ABCA13: variants seen among roughly 807,000 people sequenced by gnomAD.
ABCA13 encodes ATP-binding cassette sub-family A member 13.
A neutral mutation model predicts 478.7 loss-of-function variants in ABCA13; 476 were observed. The ratio of observed to expected loss-of-function variants is 0.99; its 90% CI spans 0.92 to 1.07. The LOEUF (loss-of-function observed/expected upper bound fraction) is 1.07, where lower values mean the gene tolerates loss of function less well. ABCA13 is among the 50% of genes least tolerant of loss of function. The pLI, the probability that ABCA13 is intolerant of heterozygous loss-of-function variation, is 0.00. For missense variants in ABCA13, 6,060 were observed against 5,910.6 expected (o/e 1.03, Z -0.83); for synonymous variants, 2,252 against 2,158.9 (o/e 1.04, Z -1.20).
At chr7:48,402,579 G>A (rs762447520) in intron 38 of ABCA13, among the ~76,000 whole-genome samples, 1 of 152,220 alleles carries the variant, frequency 6.6e-6, no homozygotes, top group South Asian at 2.1e-4. Flanking sequence ...AGTGCACAGA[G>A]TGAACACTAA....
intron 41 of ABCA13, among the ~76,000 whole-genome samples, chr7:48,424,575 TGA>T (rs1821164393): frequency 1.3e-5 from 2 of 152,342 alleles, no homozygotes; most frequent in Non-Finnish European, 2.9e-5. Context: ...AACAACTTAC[TGA>T]TGACGCTAAG....
At chr7:48,218,165 T>C (rs1303079102) in intron 3 of ABCA13, among the ~76,000 whole-genome samples, 4 of 152,330 alleles carry the variant, frequency 2.6e-5, no homozygotes, top group East Asian at 1.9e-4. Context: ...AACCTGCTCA[T>C]TATTACAGGG....
chr7:48,246,952 G>A (rs896910987), intron 13 of ABCA13, among the ~76,000 whole-genome samples: 1 of 151,988 alleles, frequency 6.6e-6, no homozygotes, highest in African/African-American at 2.4e-5. Context: ...TATATGTGAA[G>A]GGCTGGGCAT....
chr7:48,352,301 T>TA lies in ABCA13; in HGVS notation c.10508dup (p.Asn3503LysfsTer14). 1.2e-6 allele frequency: 2 copies of TA among 1,613,818 alleles called. No homozygotes were observed. Among genetic ancestry groups the TA allele is most frequent in the Non-Finnish European group, 1.7e-6 (2 of 1,179,864 alleles). ...TTATACAGCGTGCGAACAGATGTGG[T>TA]AAAAAACCCTTCTTGGAAGTTCCAC... On this transcript the variant is annotated frameshift_variant, in exon 31 of 62. Coordinates refer to ENST00000435803, the MANE Select transcript of ABCA13 (RefSeq NM_152701.5). LOFTEE classifies it high-confidence loss of function.
intron 27 of ABCA13, among the ~76,000 whole-genome samples, chr7:48,333,321 T>C (rs1042298907): frequency 3.3e-5 from 5 of 152,226 alleles, no homozygotes; most frequent in Non-Finnish European, 7.3e-5. Context: ...TTTTTATTCA[T>C]TGAGATTTTC....
chr7:48,297,410 C>G, intron 22 of ABCA13, 99 bp downstream of exon 22: 1 of 1,176,456 alleles, frequency 8.5e-7, no homozygotes, highest in Non-Finnish European at 1.2e-6. Context: ...AAAATTTATG[C>G]TATATGTGAT....
intron 55 of ABCA13, among the ~76,000 whole-genome samples, chr7:48,557,421 A>G (rs1785953353): frequency 6.6e-6 from 1 of 152,034 alleles, no homozygotes; most frequent in Admixed American, 6.6e-5. Context: ...TTTGACTGGG[A>G]AAGTCTTTTT....
At chr7:48,441,441 G>A (rs1823575457) in intron 42 of ABCA13, among the ~76,000 whole-genome samples, 1 of 152,192 alleles carries the variant, frequency 6.6e-6, no homozygotes, top group South Asian at 2.1e-4. Flanking sequence ...TATGTCTTCA[G>A]AAATAGTTTT....
intron 48 of ABCA13, among the ~76,000 whole-genome samples, chr7:48,495,353 G>A (rs1451113852): frequency 6.6e-6 from 1 of 151,988 alleles, no homozygotes; most frequent in Non-Finnish European, 1.5e-5. Flanking sequence ...ATTTTCCTGT[G>A]GTCTTTCTGT....
At chr7:48,301,504 G>T (rs1800152625) in intron 23 of ABCA13, among the ~76,000 whole-genome samples, 2 of 152,004 alleles carry the variant, frequency 1.3e-5, no homozygotes, top group Admixed American at 1.3e-4. Flanking sequence ...GCAGACACTG[G>T]TCAAAATTTG....
At chr7:48,326,683 TTAACTC>T (rs143307649) in intron 27 of ABCA13, among the ~76,000 whole-genome samples, 2,282 of 152,320 alleles carry the variant, frequency 0.015, 67 homozygotes, top group African/African-American at 0.052. Context: ...CAAAGTCTGT[TTAACTC>T]TAAGGCCAAT....
intron 41 of ABCA13, among the ~76,000 whole-genome samples, chr7:48,425,621 A>G (rs1214823875): frequency 6.6e-6 from 1 of 152,236 alleles, no homozygotes; most frequent in Admixed American, 6.5e-5. Flanking sequence ...ACTCATCCTT[A>G]TCTAGCTACT....
Position 48,556,939 on chromosome 7 carries a change from ATT to A in ABCA13, c.14355-23282_14355-23281del, listed in dbSNP as rs141491845. Among the ~76,000 whole-genome samples, 49 of 151,900 alleles carry A rather than the reference ATT, an allele frequency of 3.2e-4. No homozygotes were observed. The East Asian group carries it at 8.3e-3, about 26-fold the overall frequency. On this transcript the variant is annotated intron_variant, in intron 55 of 61. Coordinates refer to ENST00000435803, the MANE Select transcript of ABCA13 (RefSeq NM_152701.5). ...TGTATGATTTAATTTTCTGCTTTTT[ATT>A]TTGTTGTTTATCTGTTGTATGTTCA...
chr7:48,545,948 T>C (rs1282144363), intron 55 of ABCA13, among the ~76,000 whole-genome samples: 4 of 151,868 alleles, frequency 2.6e-5, no homozygotes, highest in African/African-American at 9.6e-5. Context: ...GAGGCACCAT[T>C]TGAAGAAATA....
intron 38 of ABCA13, among the ~76,000 whole-genome samples, chr7:48,396,724 C>G (rs1816882290): frequency 6.6e-6 from 1 of 152,180 alleles, no homozygotes; most frequent in South Asian, 2.1e-4. Flanking sequence ...CAGTTGCTCT[C>G]CCTGGGGTTA....
At chr7:48,373,248 C>G (rs1812936948) in intron 33 of ABCA13, among the ~76,000 whole-genome samples, 1 of 152,138 alleles carries the variant, frequency 6.6e-6, no homozygotes, top group Admixed American at 6.6e-5. Flanking sequence ...GTCAAGGAGA[C>G]CTAGATTACG....
At chr7:48,536,457 G>T (rs1414981383) in intron 55 of ABCA13, among the ~76,000 whole-genome samples, 1 of 152,112 alleles carries the variant, frequency 6.6e-6, no homozygotes. Flanking sequence ...AGACCAGCCT[G>T]GCCAACATGG....
intron 32 of ABCA13, among the ~76,000 whole-genome samples, chr7:48,368,714 T>TATATATATATATATATAC (rs1455176603): frequency 8.4e-6 from 1 of 118,562 alleles, no homozygotes; most frequent in African/African-American, 3.0e-5. Flanking sequence ...TATATATATA[T>TATATATATATATATATAC]ACACATACAC....
chr7:48,379,021 G>T (rs767270432), intron 35 of ABCA13, among the ~76,000 whole-genome samples: 6 of 151,998 alleles, frequency 3.9e-5, no homozygotes, highest in Non-Finnish European at 8.8e-5. Flanking sequence ...ACTAATTTTA[G>T]CTACCAGCTA....
Sources: allele counts gnomAD v4.1 joint callset (sites outside exome capture counted in the v4.1 genomes callset), GRCh38; gene constraint gnomAD v4.1.1; transcripts MANE v1.5; gene names NCBI Gene and HGNC (gene_info 2026-07-23, HGNC 2026-07-21).